MYO10: variants seen among roughly 807,000 people sequenced by gnomAD.
The protein encoded by MYO10 is unconventional myosin-X.
MYO10 carries 133 observed loss-of-function variants against 257.3 expected under a neutral mutation model. That is an observed-to-expected ratio of 0.52 (90% CI 0.45 to 0.60). The LOEUF (loss-of-function observed/expected upper bound fraction) is 0.60, where lower values mean the gene tolerates loss of function less well. Ranked by LOEUF, MYO10 falls within the 20% of genes least tolerant of loss-of-function variation. The pLI is 0.00. For missense variants in MYO10, 2,399 were observed against 2,635.7 expected, an observed-to-expected ratio of 0.91 and a Z score of 1.97; for synonymous variants, 1,104 against 1,028.6, an observed-to-expected ratio of 1.07 and a Z score of -1.40.
At chr5:16,920,164 C>G (rs577295815) in intron 1 of MYO10, among the ~76,000 whole-genome samples, 1 of 152,092 alleles carries the variant, frequency 6.6e-6, no homozygotes, top group South Asian at 2.1e-4. Context: ...AACCCAGCTG[C>G]TTGGGAGTCT....
intron 29 of MYO10, among the ~76,000 whole-genome samples, chr5:16,684,618 T>C (rs1330646244): frequency 1.3e-5 from 2 of 152,234 alleles, no homozygotes; most frequent in African/African-American, 2.4e-5. Context: ...CCTGATTATA[T>C]TGTGTCCTTT....
At chr5:16,802,817 TAAA>T in intron 3 of MYO10, among the ~76,000 whole-genome samples, 1 of 151,938 alleles carries the variant, frequency 6.6e-6, no homozygotes, top group African/African-American at 2.4e-5. Flanking sequence ...TCCTTAACTT[TAAA>T]TAAAAAGTTT....
chr5:16,720,749 C>T (rs747885246), intron 19 of MYO10, among the ~76,000 whole-genome samples: 23 of 152,178 alleles, frequency 1.5e-4, no homozygotes, highest in Non-Finnish European at 2.1e-4. Flanking sequence ...TGAGCCACCG[C>T]GCCCAGCCTC....
At chr5:16,684,305 T>C (rs1006474900) in intron 29 of MYO10, among the ~76,000 whole-genome samples, 2 of 152,204 alleles carry the variant, frequency 1.3e-5, no homozygotes, top group African/African-American at 4.8e-5. Flanking sequence ...CGCAATGGTG[T>C]GATCTCAGCT....
intron 19 of MYO10, among the ~76,000 whole-genome samples, chr5:16,748,894 T>G (rs1375220026): frequency 6.6e-6 from 1 of 150,810 alleles, no homozygotes; most frequent in Non-Finnish European, 1.5e-5. Context: ...TCAGGACTCA[T>G]TTATGTGAAA....
chr5:16,914,625 G>C (rs956564983), intron 1 of MYO10, among the ~76,000 whole-genome samples: 1 of 152,162 alleles, frequency 6.6e-6, no homozygotes, highest in Non-Finnish European at 1.5e-5. Flanking sequence ...GGGAGTCCTA[G>C]ACAAAACATG....
chr5:16,778,933 G>A (rs961153131), intron 9 of MYO10, among the ~76,000 whole-genome samples: 1 of 152,052 alleles, frequency 6.6e-6, no homozygotes, highest in Non-Finnish European at 1.5e-5. Flanking sequence ...CTCGTGATCT[G>A]CCCGCCTTGG....
chr5:16,894,707 G>A (rs1290533024), intron 1 of MYO10, among the ~76,000 whole-genome samples: 1 of 152,200 alleles, frequency 6.6e-6, no homozygotes, highest in Non-Finnish European at 1.5e-5. Flanking sequence ...GTCCAATGGG[G>A]ATGAAGTGCA....
chr5:16,811,136 A>G (rs1742427146), intron 3 of MYO10, among the ~76,000 whole-genome samples: 1 of 126,212 alleles, frequency 7.9e-6, no homozygotes, highest in African/African-American at 3.2e-5. Context: ...CATCAGCCCC[A>G]AACTTTCCAG....
At chr5:16,686,408 G>C (rs1278462828) in intron 28 of MYO10, among the ~76,000 whole-genome samples, 1 of 152,126 alleles carries the variant, frequency 6.6e-6, no homozygotes, top group Non-Finnish European at 1.5e-5. Flanking sequence ...GATTAGGGAT[G>C]CTTAACCGGT....
chr5:16,730,380 T>C (rs1331481686), intron 19 of MYO10, among the ~76,000 whole-genome samples: 1 of 151,986 alleles, frequency 6.6e-6, no homozygotes, highest in Non-Finnish European at 1.5e-5. Context: ...AGTCTGTTGG[T>C]AGATGGAAGA....
Position 16,904,745 on chromosome 5 carries a change from C to T in MYO10, c.22-27038G>A, listed in dbSNP as rs112032900. On this transcript the variant is annotated intron_variant, in intron 1 of 40. Coordinates refer to ENST00000513610, the MANE Select transcript of MYO10 (RefSeq NM_012334.3). Reference sequence around the variant, plus strand: ...GAGATCGAGACCATCCTGGCTAACACGGTGAAACCCCGTCTCTACTAAAAA... The same window carrying T: ...GAGATCGAGACCATCCTGGCTAACATGGTGAAACCCCGTCTCTACTAAAAA... 1.7e-4 allele frequency among the ~76,000 whole-genome samples: 26 copies of T among 152,142 alleles called. 1 individual carries two copies. Among genetic ancestry groups the T allele is most frequent in the Admixed American group, 1.1e-3 (17 of 15,264 alleles).
rs947497416 is a variant in MYO10, at chr5:16,715,862, C to G, written c.1930-4617G>C. Among the ~76,000 whole-genome samples the G allele has an allele frequency of 2.6e-5, 4 of 152,078 alleles. No homozygotes were observed. The South Asian group carries it at 8.3e-4, about 32-fold the overall frequency. On this transcript the variant is annotated intron_variant, in intron 19 of 40. Coordinates refer to ENST00000513610, the MANE Select transcript of MYO10 (RefSeq NM_012334.3). ...CCTGAGGTCAGCAGTTCGAGACCAG[C>G]CTGACCAATATGGTGAAACCTTGTC...
chr5:16,764,313 G>A lies in MYO10; in HGVS notation c.1263C>T (p.Ile421=). The change falls in exon 12 of 41, where the codon ATC becomes ATT. Residue 421 remains isoleucine (I), a synonymous_variant. Coordinates refer to ENST00000513610, the MANE Select transcript of MYO10 (RefSeq NM_012334.3). ...TAGACTTGAAGTCCTCATTGCCTTT[G>A]ATCCTGCTGTTGATCTTCTTGATTA... The part of the protein sequence containing the change: ...EWVIKKINSR[I]KGNEDFKSIG... The A allele has an allele frequency of 1.9e-6, 3 of 1,613,956 alleles. No homozygotes were observed. Among genetic ancestry groups the A allele is most frequent in the Non-Finnish European group, 2.5e-6 (3 of 1,179,878 alleles).
In MYO10 at chr5:16,818,046, T is replaced by C. The variant is rs766376348; in HGVS notation, c.242A>G (p.Tyr81Cys). ...LTELHGGSIMYNLFQRYKRNQ... is the reference protein window; with the variant it reads ...LTELHGGSIMCNLFQRYKRNQ... ...TCTCTTATACCGCTGGAATAAGTTA[T>C]ACATGATGGAGCCGCCATGGAGCTC... The change falls in exon 3 of 41, where the codon TAT becomes TGT. Residue 81 changes from tyrosine (Y) to cysteine (C), a missense_variant. This residue lies in a region of MYO10 where 242 missense variants were observed against 249.5 expected (regional missense o/e 0.97). Transcript: ENST00000513610. 22 of 1,604,560 alleles carry C rather than the reference T, an allele frequency of 1.4e-5. No homozygotes were observed. The highest frequency in any genetic ancestry group is 1.1e-4 in the East Asian group (5 of 44,714).
At chr5:16,834,827 G>A (rs527815711) in intron 2 of MYO10, among the ~76,000 whole-genome samples, 80 of 152,332 alleles carry the variant, frequency 5.3e-4, no homozygotes, top group Non-Finnish European at 8.8e-4. Context: ...TAAACATTAT[G>A]TGTTTTCCAA....
At chr5:16,850,731 G>A (rs1044056403) in intron 2 of MYO10, among the ~76,000 whole-genome samples, 5 of 143,826 alleles carry the variant, frequency 3.5e-5, no homozygotes, top group African/African-American at 1.3e-4. Context: ...TAATGTGATC[G>A]CTCTAAAAAG....
At chr5:16,800,168 T>A (rs998016678) in intron 3 of MYO10, among the ~76,000 whole-genome samples, 1 of 152,202 alleles carries the variant, frequency 6.6e-6, no homozygotes, top group African/African-American at 2.4e-5. Flanking sequence ...TCTTTGTATC[T>A]GACTCTTACA....
At chr5:16,767,522 T>G (rs2126655503) in intron 10 of MYO10, among the ~76,000 whole-genome samples, 1 of 152,214 alleles carries the variant, frequency 6.6e-6, no homozygotes, top group South Asian at 2.1e-4. Context: ...TGCAAAAAGA[T>G]AAGACAATGT....
Sources: allele counts gnomAD v4.1 joint callset (sites outside exome capture counted in the v4.1 genomes callset), GRCh38; gene constraint gnomAD v4.1.1; regional missense constraint gnomAD v4.1.1; transcripts MANE v1.5; gene names NCBI Gene and HGNC (gene_info 2026-07-23, HGNC 2026-07-21).